Variants in H2BC18 observed in about 807,000 individuals in gnomAD.
H2BC18 encodes H2B clustered histone 18, also known as histone H2B type 2-F.
H2BC18 carries 8 observed loss-of-function variants against 6.3 expected under a neutral mutation model. The observed-to-expected ratio is 1.28, with a 90% confidence interval of 0.75 to 2.31. The LOEUF is 2.31. H2BC18 is among the 30% of genes most tolerant of loss of function. The pLI, the probability that H2BC18 is intolerant of heterozygous loss-of-function variation, is 0.00. For missense variants in H2BC18, 106 were observed against 174.5 expected, an observed-to-expected ratio of 0.61 and a Z score of 2.21; for synonymous variants, 104 against 78.1, an observed-to-expected ratio of 1.33 and a Z score of -1.75.
At chr1:149,805,300 G>A (rs1203544194) in intron 1 of H2BC18, 1 of 151,978 alleles carries the variant, frequency 6.6e-6, no homozygotes, top group Non-Finnish European at 1.5e-5. Flanking sequence ...CTCTTATTTG[G>A]GTCTTATAGT....
At chr1:149,784,563 G>A (rs1175383053) in intron 1 of H2BC18, among the ~76,000 whole-genome samples, 1 of 151,706 alleles carries the variant, frequency 6.6e-6, no homozygotes, top group Non-Finnish European at 1.5e-5. Context: ...TCAAACAAAT[G>A]AGCAATAATG....
intron 1 of H2BC18, among the ~76,000 whole-genome samples, chr1:149,789,866 G>A (rs587727427): frequency 1.3e-5 from 2 of 152,298 alleles, no homozygotes; most frequent in East Asian, 3.9e-4. Context: ...GACTCAGCAA[G>A]CTGGCAACCC....
chr1:149,791,524 C>T (rs781986700), intron 1 of H2BC18: 3 of 1,610,508 alleles, frequency 1.9e-6, no homozygotes, highest in Admixed American at 3.3e-5. Flanking sequence ...GTAGCAGCGG[C>T]TCAGTGGGTG....
At position 149,811,932 on chromosome 1, in the gene H2BC18, C is replaced by G; in HGVS notation, c.*11G>C. 1 of 1,608,992 alleles carries G rather than the reference C, an allele frequency of 6.2e-7. No homozygotes were observed. The highest frequency in any genetic ancestry group is 1.1e-5 in the South Asian group (1 of 90,910). The stretch of plus-strand genomic sequence containing the variant: ...GTTAGGTGGTTGATCTATTGCGTCC[C>G]TTGCACACTCTTACTTCGAGCTGGT... On this transcript the variant is annotated 3_prime_UTR_variant, in exon 1 of 1. Coordinates refer to ENST00000369167, the MANE Select transcript of H2BC18 (RefSeq NM_001024599.5).
At chr1:149,802,929 C>T (rs1313130555) in intron 1 of H2BC18, among the ~76,000 whole-genome samples, 2 of 152,182 alleles carry the variant, frequency 1.3e-5, no homozygotes, top group African/African-American at 4.8e-5. Flanking sequence ...CCCTGGCAGC[C>T]GACTGGATGG....
chr1:149,790,104 G>A, intron 1 of H2BC18: 1 of 1,613,876 alleles, frequency 6.2e-7, no homozygotes, highest in Non-Finnish European at 8.5e-7. Context: ...CCCACTCCTG[G>A]AGGGGAATCT....
chr1:149,807,118 G>A (rs2091924492), downstream of H2BC18, among the ~76,000 whole-genome samples: 1 of 152,130 alleles, frequency 6.6e-6, no homozygotes, highest in Admixed American at 6.5e-5. Context: ...GAGGTGGTGA[G>A]ATGTGGTTGG....
chr1:149,804,435 A>C (rs1390922590), intron 1 of H2BC18, among the ~76,000 whole-genome samples: 1 of 152,220 alleles, frequency 6.6e-6, no homozygotes, highest in Non-Finnish European at 1.5e-5. Context: ...AAATTGTGAA[A>C]ATCCCTTATT....
downstream of H2BC18, among the ~76,000 whole-genome samples, chr1:149,810,017 G>A (rs183500309): frequency 1.1e-3 from 162 of 150,932 alleles, 8 homozygotes; most frequent in South Asian, 5.6e-3. Context: ...TCAGGATGAG[G>A]ATTTGGAAGT....
At chr1:149,799,907 A>C (rs1263632299) in intron 1 of H2BC18, among the ~76,000 whole-genome samples, 1 of 152,168 alleles carries the variant, frequency 6.6e-6, no homozygotes, top group African/African-American at 2.4e-5. Flanking sequence ...GCAAGCAAGC[A>C]ATCAGTTCTG....
intron 1 of H2BC18, among the ~76,000 whole-genome samples, chr1:149,805,018 G>C (rs1310892771): frequency 6.6e-6 from 1 of 152,212 alleles, no homozygotes; most frequent in East Asian, 1.9e-4. Flanking sequence ...AGTTGCCTCT[G>C]AGAGCCTTCA....
chr1:149,804,093 GT>G (rs1316792285), intron 1 of H2BC18: 2 of 152,148 alleles, frequency 1.3e-5, no homozygotes, highest in Admixed American at 1.3e-4. Flanking sequence ...TGTAAGTCTT[GT>G]TTTTCTCTAT....
chr1:149,812,230 G>C lies in H2BC18; in HGVS notation c.94C>G (p.Arg32Gly). The C allele has an allele frequency of 6.2e-7, 1 of 1,614,268 alleles. No homozygotes were observed. The highest frequency in any genetic ancestry group is 8.5e-7 in the Non-Finnish European group (1 of 1,180,048). The change falls in exon 1 of 1, where the codon CGC becomes GGC. Residue 32 changes from arginine (R) to glycine (G), a missense_variant. Coordinates refer to ENST00000369167, the MANE Select transcript of H2BC18 (RefSeq NM_001024599.5). ...VQKKDGKKRK[R>G]SRKESYSVYV... is the part of the protein sequence containing the mutation. ...ACGGAGTAGCTCTCCTTGCGGCTGC[G>C]CTTGCGCTTCTTGCCGTCCTTCTTC...
intron 1 of H2BC18, among the ~76,000 whole-genome samples, chr1:149,797,503 T>C (rs1248842563): frequency 6.6e-6 from 1 of 152,226 alleles, no homozygotes; most frequent in Non-Finnish European, 1.5e-5. Context: ...ATAAATTCCA[T>C]TTTGGTGGAA....
chr1:149,799,927 C>T (rs1336447693), intron 1 of H2BC18, among the ~76,000 whole-genome samples: 2 of 152,070 alleles, frequency 1.3e-5, no homozygotes, highest in Non-Finnish European at 2.9e-5. Context: ...GCAGTGGACA[C>T]CAGCTGAGTG....
chr1:149,796,248 G>T (rs1302085217), intron 1 of H2BC18, among the ~76,000 whole-genome samples: 8 of 152,208 alleles, frequency 5.3e-5, no homozygotes, highest in Non-Finnish European at 8.8e-5. Flanking sequence ...ATAAATTGTG[G>T]AGAGGGAGCA....
intron 1 of H2BC18, among the ~76,000 whole-genome samples, chr1:149,805,810 A>G (rs1328935138): frequency 1.3e-5 from 2 of 152,050 alleles, no homozygotes; most frequent in African/African-American, 4.8e-5. Flanking sequence ...GAGGGGAGAC[A>G]AATGATATAA....
At position 149,792,683 on chromosome 1, in the gene H2BC18, G is replaced by T. The variant is rs1449511065; in HGVS notation, c.378-9423C>A. The T allele has an allele frequency of 4.7e-6, 6 of 1,280,368 alleles. No individual in the cohort carries two copies. In the African/African-American group the frequency reaches 6.3e-5, roughly 13 times the overall value. 79.3% of individuals were successfully genotyped at this position (1,280,368 alleles called of 1,614,324 possible). A position where few individuals can be genotyped will look rare whatever the true frequency, so the allele number is the denominator to read the frequency against. On this transcript the variant is annotated intron_variant, in intron 1 of 1. Coordinates refer to the H2BC18 transcript ENST00000545683. ...GGGGCCGCAGCCGCCAGCGCCCGGG[G>T]ACCCAGCTGCGGCGAAAGCTGTTGG... is the stretch of plus-strand genomic sequence containing the variant.
intron 1 of H2BC18, among the ~76,000 whole-genome samples, chr1:149,802,247 T>G (rs1398180052): frequency 6.6e-6 from 1 of 152,148 alleles, no homozygotes; most frequent in Non-Finnish European, 1.5e-5. Flanking sequence ...CTTAAATAAG[T>G]AAAATCATCA....
Sources: allele counts gnomAD v4.1 joint callset (sites outside exome capture counted in the v4.1 genomes callset), GRCh38; gene constraint gnomAD v4.1.1; transcripts MANE v1.5; gene names NCBI Gene and HGNC (gene_info 2026-07-23, HGNC 2026-07-21).